The following MYO3B variants were observed in gnomAD, a reference collection of about 807,000 sequenced individuals.
MYO3B encodes the protein myosin-IIIb.
In MYO3B, 156 loss-of-function variants were observed where a neutral mutation model predicts 174.6. The observed-to-expected ratio is 0.89, with a 90% confidence interval of 0.78 to 1.02. The LOEUF is 1.02. MYO3B is among the 50% of genes least tolerant of loss of function. The pLI, the probability that MYO3B is intolerant of heterozygous loss-of-function variation, is 0.00. For synonymous variants in MYO3B, 563 were observed against 569.1 expected (o/e 0.99, Z 0.15); for missense variants, 1,632 against 1,639.4 (o/e 1.00, Z 0.08).
chr2:170,484,773 C>T (rs1454146177), intron 25 of MYO3B, among the ~76,000 whole-genome samples: 6 of 152,016 alleles, frequency 3.9e-5, no homozygotes, highest in Non-Finnish European at 7.4e-5. Context: ...TGTTCTGTCT[C>T]TTTACTCAAG....
intron 3 of MYO3B, among the ~76,000 whole-genome samples, chr2:170,213,369 G>A (rs1351163252): frequency 1.3e-5 from 2 of 152,132 alleles, no homozygotes; most frequent in Non-Finnish European, 2.9e-5. Context: ...ACCAAGCAGG[G>A]GGTACGTGAC....
At position 170,401,639 on chromosome 2, in the gene MYO3B, A is replaced by T. The variant is rs762703547; in HGVS notation, c.2077A>T (p.Ser693Cys). ...MSKALYGRLF[S>C]WIVNRINTLL... ...CAAAGCCCTGTATGGGAGGCTCTTCAGCTGGATTGTGAATCGCATTAATAC... is the reference window on the plus strand; with the variant it reads ...CAAAGCCCTGTATGGGAGGCTCTTCTGCTGGATTGTGAATCGCATTAATAC... Residue 693 changes from serine to cysteine, a missense_variant, in exon 18 of 35, where the codon AGC becomes TGC. Ser to Cys is a moderately radical substitution (Grantham distance 112). Transcript: ENST00000408978. 1 of 1,614,110 alleles carries T rather than the reference A, an allele frequency of 6.2e-7. No homozygotes were observed. The highest frequency in any genetic ancestry group is 1.6e-4 in the Middle Eastern group (1 of 6,062).
intron 1 of MYO3B, among the ~76,000 whole-genome samples, chr2:170,179,493 GGCTCTGC>G (rs1329873775): frequency 9.2e-5 from 14 of 152,176 alleles, no homozygotes; most frequent in Admixed American, 5.9e-4. Context: ...AGGTCATGAG[GGCTCTGC>G]CCTTATGAAT....
chr2:170,358,370 A>C (rs751790439), intron 8 of MYO3B, among the ~76,000 whole-genome samples: 55 of 152,150 alleles, frequency 3.6e-4, no homozygotes, highest in Admixed American at 3.5e-3. Flanking sequence ...AAATGTCCAG[A>C]TTAGACAAAT....
intron 30 of MYO3B, among the ~76,000 whole-genome samples, chr2:170,521,449 G>C (rs1005836293): frequency 6.6e-6 from 1 of 152,200 alleles, no homozygotes; most frequent in African/African-American, 2.4e-5. Flanking sequence ...TTCAGCCCCA[G>C]TCTGACTTCC....
intron 22 of MYO3B, among the ~76,000 whole-genome samples, chr2:170,439,043 G>A (rs1252830992): frequency 2.6e-5 from 4 of 151,040 alleles, no homozygotes; most frequent in Non-Finnish European, 1.5e-5. Context: ...GCCTTCTTTG[G>A]CGATATGTGT....
intron 7 of MYO3B, among the ~76,000 whole-genome samples, chr2:170,264,927 C>T (rs1447791916): frequency 6.6e-6 from 1 of 152,066 alleles, no homozygotes; most frequent in Non-Finnish European, 1.5e-5. Context: ...AAGGGAAATC[C>T]TGCTGTCATG....
At chr2:170,302,392 CT>C (rs2093671612) in intron 7 of MYO3B, among the ~76,000 whole-genome samples, 1 of 152,180 alleles carries the variant, frequency 6.6e-6, no homozygotes, top group South Asian at 2.1e-4. Flanking sequence ...TGGATGAGTT[CT>C]CTGTTTTCTG....
intron 29 of MYO3B, among the ~76,000 whole-genome samples, chr2:170,517,400 T>C (rs954937808): frequency 1.3e-5 from 2 of 152,204 alleles, no homozygotes; most frequent in Middle Eastern, 3.2e-3. Context: ...GTTCTGGTCT[T>C]GGACATGGCA....
At chr2:170,526,389 C>T (rs745526424) in intron 30 of MYO3B, among the ~76,000 whole-genome samples, 2 of 152,188 alleles carry the variant, frequency 1.3e-5, no homozygotes, top group Non-Finnish European at 2.9e-5. Context: ...TAAAGTTAAA[C>T]TCATATGAAG....
intron 32 of MYO3B, among the ~76,000 whole-genome samples, chr2:170,606,742 C>A (rs1036603777): frequency 6.6e-6 from 1 of 152,104 alleles, no homozygotes; most frequent in Non-Finnish European, 1.5e-5. Flanking sequence ...AAATACAGGC[C>A]GGGCACGGTG....
At chr2:170,566,880 A>G (rs73029085) in intron 32 of MYO3B, among the ~76,000 whole-genome samples, 5,810 of 152,198 alleles carry the variant, frequency 0.038, 348 homozygotes, top group African/African-American at 0.13. Context: ...ATATCTTGTC[A>G]TGATTGAGTC....
intron 22 of MYO3B, among the ~76,000 whole-genome samples, chr2:170,440,731 C>T (rs1350008044): frequency 6.8e-6 from 1 of 147,798 alleles, no homozygotes; most frequent in Admixed American, 6.8e-5. Context: ...TCAGCCAGGG[C>T]AACAGAGTGA....
chr2:170,194,528 G>C (rs796240757), intron 1 of MYO3B, among the ~76,000 whole-genome samples: 3 of 151,680 alleles, frequency 2.0e-5, no homozygotes, highest in African/African-American at 7.2e-5. Flanking sequence ...AAAGAGCTTT[G>C]TTAATATACA....
At chr2:170,526,929 A>G (rs2106160209) in intron 30 of MYO3B, among the ~76,000 whole-genome samples, 1 of 152,368 alleles carries the variant, frequency 6.6e-6, no homozygotes, top group East Asian at 1.9e-4. Context: ...TTCTAAGAAC[A>G]GATTCCAAGG....
intron 34 of MYO3B, among the ~76,000 whole-genome samples, 186 bp from the exon 35 acceptor site, chr2:170,652,797 G>A (rs1225258099): frequency 6.6e-6 from 1 of 152,078 alleles, no homozygotes; most frequent in East Asian, 1.9e-4. Context: ...AAAGGTGAAG[G>A]GCTTTGTAGA....
At chr2:170,270,906 A>G (rs1303954780) in intron 7 of MYO3B, among the ~76,000 whole-genome samples, 1 of 152,252 alleles carries the variant, frequency 6.6e-6, no homozygotes, top group Non-Finnish European at 1.5e-5. Flanking sequence ...AGATAAAGGA[A>G]GAAAAGTATT....
At chr2:170,459,977 G>A (rs570739278) in intron 23 of MYO3B, among the ~76,000 whole-genome samples, 2 of 152,150 alleles carry the variant, frequency 1.3e-5, no homozygotes, top group Non-Finnish European at 1.5e-5. Flanking sequence ...CAAGGGACGC[G>A]CAGCCCTGGT....
intron 3 of MYO3B, among the ~76,000 whole-genome samples, chr2:170,210,913 C>T (rs1031542190): frequency 6.6e-6 from 1 of 152,150 alleles, no homozygotes; most frequent in Non-Finnish European, 1.5e-5. Flanking sequence ...ACTACACAGA[C>T]AGGCAGAAGA....
Sources: gnomAD v4.1 joint callset for allele counts (sites outside exome capture counted in the v4.1 genomes callset) on GRCh38, gnomAD v4.1.1 for gene constraint, MANE v1.5 for transcripts, NCBI Gene and HGNC (gene_info 2026-07-23, HGNC 2026-07-21) for gene names.